Variants in HDAC9 observed in about 807,000 individuals in gnomAD.
The protein encoded by HDAC9 is histone deacetylase 9.
A neutral mutation model predicts 139.4 loss-of-function variants in HDAC9; 41 were observed. That is an observed-to-expected ratio of 0.29 (90% confidence interval 0.23 to 0.38). HDAC9 has a LOEUF of 0.38. Among genes scored for constraint, HDAC9 ranks in the 10% least tolerant of loss-of-function variants. The pLI is 1.00. For synonymous variants in HDAC9, 517 were observed against 476.2 expected (o/e 1.09, Z -1.12); for missense variants, 1,147 against 1,297.0 (o/e 0.88, Z 1.78).
intron 6 of HDAC9, among the ~76,000 whole-genome samples, chr7:18,616,288 C>G (rs1489939410): frequency 2.5e-5 from 2 of 79,592 alleles, no homozygotes; most frequent in South Asian, 6.5e-4. Flanking sequence ...ATTATTCTGC[C>G]TACCCCAAGT....
intron 22 of HDAC9, among the ~76,000 whole-genome samples, chr7:18,898,375 T>C (rs1801402975): frequency 1.3e-5 from 2 of 151,850 alleles, no homozygotes; most frequent in Admixed American, 6.6e-5. Context: ...ATGGAACAAA[T>C]AGCTAAAAAT....
intron 1 of HDAC9, among the ~76,000 whole-genome samples, chr7:18,131,949 G>C (rs1398550343): frequency 6.6e-6 from 1 of 152,168 alleles, no homozygotes; most frequent in East Asian, 1.9e-4. Context: ...CTGGCGTCAA[G>C]TATTTAAGAG....
chr7:18,501,907 T>A (rs917806118), intron 2 of HDAC9, among the ~76,000 whole-genome samples: 2 of 152,148 alleles, frequency 1.3e-5, no homozygotes, highest in Non-Finnish European at 2.9e-5. Flanking sequence ...AACACTCTAG[T>A]CAAAATGACA....
chr7:18,353,276 T>G (rs913908641), intron 1 of HDAC9, among the ~76,000 whole-genome samples: 30 of 151,962 alleles, frequency 2.0e-4, no homozygotes, highest in African/African-American at 7.0e-4. Flanking sequence ...GGATTTTTTT[T>G]TTTCCTCTGC....
chr7:18,303,375 TTGTGTGTGTGTG>T (rs71014320), intron 1 of HDAC9, among the ~76,000 whole-genome samples: 13,102 of 127,708 alleles, frequency 0.1, 789 homozygotes, highest in Non-Finnish European at 0.13. Flanking sequence ...CCCAGCCAAT[TTGTGTGTGTGTG>T]TGTGTGTGTG....
intron 13 of HDAC9, among the ~76,000 whole-genome samples, chr7:18,732,029 C>T (rs887022471): frequency 1.3e-5 from 2 of 151,282 alleles, no homozygotes; most frequent in African/African-American, 4.9e-5. Flanking sequence ...AATATGAATA[C>T]ATGTATTTTT....
At chr7:18,144,589 C>T (rs1200298909) in intron 1 of HDAC9, among the ~76,000 whole-genome samples, 1 of 152,204 alleles carries the variant, frequency 6.6e-6, no homozygotes, top group African/African-American at 2.4e-5. Flanking sequence ...ATGCACCATT[C>T]TGAGACCACC....
chr7:18,846,885 A>T (rs999530627), intron 21 of HDAC9, among the ~76,000 whole-genome samples: 32 of 152,190 alleles, frequency 2.1e-4, no homozygotes, highest in African/African-American at 7.7e-4. Flanking sequence ...AACAGATAAG[A>T]TAATTGGCTC....
chr7:18,974,752 G>C (rs1784451903), intron 24 of HDAC9, among the ~76,000 whole-genome samples: 1 of 152,180 alleles, frequency 6.6e-6, no homozygotes, highest in Non-Finnish European at 1.5e-5. Flanking sequence ...TGTTAGAGCT[G>C]CAAGAGACTT....
chr7:18,851,565 G>T (rs1797298327), intron 21 of HDAC9: 1 of 152,166 alleles, frequency 6.6e-6, no homozygotes, highest in Admixed American at 6.6e-5. Flanking sequence ...AAAACGGACT[G>T]ATACAGGTGC....
Position 18,590,331 on chromosome 7 carries a change from G to C in HDAC9, c.265-5G>C, listed in dbSNP as rs769755176. ...CACACTCTCATGTCTTTCTCTTCTC[G>C]CAAGTTGCAACAGGAACTTCTAGCC... On this transcript the variant is annotated splice_region_variant and splice_polypyrimidine_tract_variant and intron_variant, in intron 3 of 25. Coordinates refer to ENST00000686413, the MANE Select transcript of HDAC9 (RefSeq NM_178425.4). 1 of 1,611,716 alleles carries C rather than the reference G, an allele frequency of 6.2e-7. No individual in the cohort carries two copies. Among genetic ancestry groups the C allele is most frequent in the Non-Finnish European group, 8.5e-7 (1 of 1,179,038 alleles).
chr7:18,367,071 C>G (rs193198377), intron 1 of HDAC9, among the ~76,000 whole-genome samples: 6 of 151,988 alleles, frequency 3.9e-5, no homozygotes, highest in Non-Finnish European at 8.8e-5. Flanking sequence ...TCAGAATATA[C>G]ATCAAAATAA....
intron 2 of HDAC9, among the ~76,000 whole-genome samples, chr7:18,221,350 C>A (rs1402475664): frequency 6.6e-6 from 1 of 152,062 alleles, no homozygotes; most frequent in African/African-American, 2.4e-5. Flanking sequence ...GGTGATCCGC[C>A]CACCTCAGCC....
chr7:18,239,886 G>C (rs436270), intron 2 of HDAC9, among the ~76,000 whole-genome samples: 114,006 of 151,504 alleles, frequency 0.75, 42,932 homozygotes, highest in South Asian at 0.86. Context: ...TGCATGAAAT[G>C]TAAGAGGTGA....
chr7:18,857,827 A>C (rs984064366), intron 21 of HDAC9, among the ~76,000 whole-genome samples: 7 of 152,074 alleles, frequency 4.6e-5, no homozygotes, highest in Non-Finnish European at 1.0e-4. Flanking sequence ...GGGTTCAGCT[A>C]TTTTGTTTTC....
chr7:18,848,752 G>T (rs898517077), intron 21 of HDAC9, among the ~76,000 whole-genome samples: 1 of 151,736 alleles, frequency 6.6e-6, no homozygotes, highest in Non-Finnish European at 1.5e-5. Flanking sequence ...CCCACTAATG[G>T]ACTTAAATTA....
chr7:18,349,983 T>G (rs1462860678), intron 1 of HDAC9, among the ~76,000 whole-genome samples: 1 of 152,166 alleles, frequency 6.6e-6, no homozygotes, highest in Admixed American at 6.6e-5. Flanking sequence ...TTTGTGCCAG[T>G]TCTGGCCATC....
intron 1 of HDAC9, among the ~76,000 whole-genome samples, chr7:18,304,559 GA>G (rs1798788558): frequency 6.6e-6 from 1 of 152,084 alleles, no homozygotes; most frequent in East Asian, 1.9e-4. Context: ...CAGATGTATA[GA>G]AAAGTCATCA....
At chr7:18,892,336 A>G (rs547333818) in intron 22 of HDAC9, 4 of 152,346 alleles carry the variant, frequency 2.6e-5, no homozygotes, top group East Asian at 1.9e-4. Flanking sequence ...TAATCTTTAT[A>G]ACAATGCTAT....
Sources: gnomAD v4.1 joint callset for allele counts (sites outside exome capture counted in the v4.1 genomes callset) on GRCh38, gnomAD v4.1.1 for gene constraint, MANE v1.5 for transcripts, NCBI Gene and HGNC (gene_info 2026-07-23, HGNC 2026-07-21) for gene names.